Variants in PRKD1 observed in about 807,000 individuals in gnomAD.
PRKD1 encodes serine/threonine-protein kinase D1.
A neutral mutation model predicts 95.9 loss-of-function variants in PRKD1; 63 were observed. The ratio of observed to expected loss-of-function variants is 0.66; its 90% confidence interval spans 0.54 to 0.81. The LOEUF (loss-of-function observed/expected upper bound fraction) is 0.81. PRKD1 is among the 30% of genes least tolerant of loss of function. The pLI is 0.00. For missense variants in PRKD1, 1,048 were observed against 1,165.3 expected (o/e 0.90, Z 1.47); for synonymous variants, 425 against 423.1 (o/e 1.00, Z -0.05).
At chr14:29,827,687 CAG>C (rs5807552) in intron 1 of PRKD1, among the ~76,000 whole-genome samples, 3,193 of 152,256 alleles carry the variant, frequency 0.021, 116 homozygotes, top group African/African-American at 0.073. Flanking sequence ...CCTTAGAATA[CAG>C]CCTAACCATA....
At chr14:29,811,941 T>G (rs1485203469) in intron 1 of PRKD1, 1 of 152,204 alleles carries the variant, frequency 6.6e-6, no homozygotes, top group Non-Finnish European at 1.5e-5. Context: ...GCACATGTAC[T>G]AAAATTGGAC....
At position 29,636,340 on chromosome 14, in the gene PRKD1, G is replaced by A. The variant is rs55831426; in HGVS notation, c.1140C>T (p.Gly380=). The change falls in exon 7 of 18, where the codon GGC becomes GGT. Residue 380 remains glycine, a synonymous_variant. Transcript: ENST00000331968. ...GGTCTGGGTCTGGATCTTGCATCTC[G>A]CCACTGTCGTTCTGGCACTCTGCCA... ...MAMAECQNDS[G]EMQDPDPDHE... The A allele has an allele frequency of 4.2e-4, 672 of 1,614,146 alleles. 1 individual carries two copies. In the African/African-American group the frequency reaches 6.5e-3, roughly 16 times the overall value.
chr14:29,811,984 A>G (rs1329984787), intron 1 of PRKD1: 2 of 152,214 alleles, frequency 1.3e-5, no homozygotes, highest in Non-Finnish European at 2.9e-5. Context: ...CTACACAAGG[A>G]TGACATACAA....
At chr14:29,790,935 C>T (rs1032497458) in intron 1 of PRKD1, among the ~76,000 whole-genome samples, 2 of 152,182 alleles carry the variant, frequency 1.3e-5, no homozygotes, top group African/African-American at 4.8e-5. Flanking sequence ...AAATGAAGTT[C>T]TAACATAGCT....
chr14:29,585,425 C>T (rs535269306), intron 16 of PRKD1, among the ~76,000 whole-genome samples: 19 of 152,286 alleles, frequency 1.2e-4, no homozygotes, highest in South Asian at 8.3e-4. Flanking sequence ...TCAATGGTTA[C>T]TCCTTTGCTT....
At chr14:29,643,578 C>G (rs1225081741) in intron 4 of PRKD1, among the ~76,000 whole-genome samples, 1 of 152,174 alleles carries the variant, frequency 6.6e-6, no homozygotes, top group East Asian at 1.9e-4. Context: ...TTGCAACCTT[C>G]CCAGGAAATG....
intron 2 of PRKD1, among the ~76,000 whole-genome samples, chr14:29,702,589 A>C (rs1000353657): frequency 6.6e-6 from 1 of 152,030 alleles, no homozygotes; most frequent in African/African-American, 2.4e-5. Flanking sequence ...AGAATTTTGC[A>C]ATAATACATT....
rs759317394 is a variant in PRKD1 at position 29,885,804 on chromosome 14, TAA to T, written c.264+41443_264+41444del. Among the ~76,000 whole-genome samples, 462 of 53,456 alleles carry T rather than the reference TAA, an allele frequency of 8.6e-3. 2 individuals carry two copies. Among genetic ancestry groups the T allele is most frequent in the African/African-American group, 0.013 (211 of 16,094 alleles). 35.1% of individuals were successfully genotyped at this position (53,456 alleles called of 152,430 possible). A position where few individuals can be genotyped will look rare whatever the true frequency, so the allele number is the denominator to read the frequency against. ...CAACATGGTGAAACCCCATCTTTAC[TAA>T]AAAAAAAAAAAAAAAAAAAAAAAAT... On this transcript the variant is annotated intron_variant, in intron 1 of 17. Transcript: ENST00000331968.
chr14:29,637,396 C>T (rs923473922), intron 6 of PRKD1, among the ~76,000 whole-genome samples: 8 of 152,136 alleles, frequency 5.3e-5, no homozygotes, highest in African/African-American at 1.4e-4. Context: ...ATGCAAAGTA[C>T]TCATTTTAAA....
chr14:29,784,789 A>C (rs1889194147), intron 1 of PRKD1, among the ~76,000 whole-genome samples: 1 of 152,200 alleles, frequency 6.6e-6, no homozygotes, highest in Non-Finnish European at 1.5e-5. Context: ...TAAATTCTCT[A>C]ACAATAGGCG....
At chr14:29,724,145 G>T (rs1395974286) in intron 2 of PRKD1, among the ~76,000 whole-genome samples, 2 of 152,070 alleles carry the variant, frequency 1.3e-5, no homozygotes, top group African/African-American at 4.8e-5. Context: ...CCCACACACA[G>T]GTTGCATTCA....
At chr14:29,863,462 G>A (rs565697238) in intron 1 of PRKD1, among the ~76,000 whole-genome samples, 189 of 152,138 alleles carry the variant, frequency 1.2e-3, no homozygotes, top group African/African-American at 3.9e-3. Context: ...CTGTTCTATC[G>A]TCAACTCTAG....
At chr14:29,681,356 T>C (rs2139268265) in intron 2 of PRKD1, among the ~76,000 whole-genome samples, 1 of 152,064 alleles carries the variant, frequency 6.6e-6, no homozygotes, top group African/African-American at 2.4e-5. Context: ...TGAGAATATG[T>C]GGTGAGTTGA....
At chr14:29,925,108 A>G (rs1895251277) in intron 1 of PRKD1, among the ~76,000 whole-genome samples, 1 of 152,096 alleles carries the variant, frequency 6.6e-6, no homozygotes, top group South Asian at 2.1e-4. Context: ...AAACAGTCAA[A>G]CTTTTCAAAC....
chr14:29,797,058 C>T (rs1740093496), intron 1 of PRKD1, among the ~76,000 whole-genome samples: 1 of 152,106 alleles, frequency 6.6e-6, no homozygotes, highest in Non-Finnish European at 1.5e-5. Flanking sequence ...ATGACTAAGG[C>T]TAAATGGAAG....
chr14:29,626,586 C>T, intron 11 of PRKD1, 30 bp from the exon 12 acceptor site: 1 of 1,442,952 alleles, frequency 6.9e-7, no homozygotes, highest in Non-Finnish European at 9.4e-7. Flanking sequence ...GAAAAAAAAA[C>T]ATGAAGCAGA....
chr14:29,601,718 T>G (rs193267772), intron 13 of PRKD1, among the ~76,000 whole-genome samples: 10 of 152,324 alleles, frequency 6.6e-5, no homozygotes, highest in Non-Finnish European at 1.2e-4. Context: ...AGGAGGCGAC[T>G]AATATGACGA....
At chr14:29,917,050 G>A (rs902727600) in intron 1 of PRKD1, among the ~76,000 whole-genome samples, 1 of 152,104 alleles carries the variant, frequency 6.6e-6, no homozygotes, top group East Asian at 1.9e-4. Flanking sequence ...TAGAAGGGAG[G>A]GGGGGAAATG....
At chr14:29,813,768 C>T (rs940348083) in intron 1 of PRKD1, among the ~76,000 whole-genome samples, 2 of 152,224 alleles carry the variant, frequency 1.3e-5, no homozygotes, top group African/African-American at 4.8e-5. Context: ...TCTGAATGTA[C>T]ATTACACATC....
Sources: gnomAD v4.1 joint callset for allele counts (sites outside exome capture counted in the v4.1 genomes callset) on GRCh38, gnomAD v4.1.1 for gene constraint, MANE v1.5 for transcripts, NCBI Gene and HGNC (gene_info 2026-07-23, HGNC 2026-07-21) for gene names.